The following NOP9 variants were observed in gnomAD, a reference collection of about 807,000 sequenced individuals.
NOP9 encodes the protein nucleolar protein 9.
NOP9 carries 50 observed loss-of-function variants against 63.0 expected under a neutral mutation model. The ratio of observed to expected loss-of-function variants is 0.79; its 90% CI spans 0.63 to 1.00. The LOEUF (loss-of-function observed/expected upper bound fraction) is 1.00, where lower values mean the gene tolerates loss of function less well. Ranked by LOEUF, NOP9 falls within the 50% of genes least tolerant of loss-of-function variation. The pLI, the probability that NOP9 is intolerant of heterozygous loss-of-function variation, is 0.00. For synonymous variants in NOP9, 343 were observed against 332.8 expected (o/e 1.03, Z -0.33); for missense variants, 758 against 803.0 (o/e 0.94, Z 0.68).
At chr14:24,292,447 GTC>G in the NOP9 span, 1 of 1,505,520 alleles carries the variant, frequency 6.6e-7, no homozygotes, top group Non-Finnish European at 9.0e-7. Context: ...GAGCCCCAAG[GTC>G]TCAGCTGCCC....
chr14:24,271,493 T>G, the NOP9 span: 2 of 181,786 alleles, frequency 1.1e-5, no homozygotes. Context: ...CCACCTGCGC[T>G]GGGAGGAGGC....
In NOP9 at chr14:24,307,219, A is replaced by G; in HGVS notation, c.*2124A>G. On this transcript the variant is annotated 3_prime_UTR_variant, in exon 10 of 10. Transcript: ENST00000267425. ...TCGGTGGAAAATGAACAAATTGACC[A>G]GAGCTCATTAGGCCCACTCCGCTGC... 1 of 757,584 alleles carries G rather than the reference A, an allele frequency of 1.3e-6. No individual in the cohort carries two copies. The highest frequency in any genetic ancestry group is 1.9e-5 in the South Asian group (1 of 51,378). 46.9% of individuals were successfully genotyped at this position (757,584 alleles called of 1,614,324 possible).
the NOP9 span, among the ~76,000 whole-genome samples, chr14:24,275,466 C>G: frequency 6.6e-6 from 1 of 152,306 alleles, no homozygotes; most frequent in East Asian, 1.9e-4. Flanking sequence ...GTGAGAGTGA[C>G]CATTGCCAGA....
At chr14:24,301,038 G>A (rs2041367483) in intron 2 of NOP9, among the ~76,000 whole-genome samples, 181 bp downstream of exon 2, 1 of 152,154 alleles carries the variant, frequency 6.6e-6, no homozygotes, top group Non-Finnish European at 1.5e-5. Context: ...AGGCCCAGAG[G>A]TAGGGATGTA....
the NOP9 span, chr14:24,271,217 C>G: frequency 7.2e-7 from 1 of 1,384,288 alleles, no homozygotes; most frequent in Non-Finnish European, 9.6e-7. Flanking sequence ...ACTAGCTCCG[C>G]CCACAGCTGT....
chr14:24,290,553 A>G, the NOP9 span: 1 of 312,694 alleles, frequency 3.2e-6, no homozygotes, highest in Non-Finnish European at 6.0e-6. Context: ...TTTCTCCCAA[A>G]TTGTTAACAT....
chr14:24,303,127 G>T lies in NOP9; in HGVS notation c.1197G>T (p.Gln399His). The T allele has an allele frequency of 6.2e-7, 1 of 1,610,918 alleles. No individual in the cohort carries two copies. Reference sequence around the variant, plus strand: ...CTGTCTTGGAAGCTGTATTGGCCCAGGGCCACCCAGGGGTAGTCATTGCCC... The same window carrying T: ...CTGTCTTGGAAGCTGTATTGGCCCATGGCCACCCAGGGGTAGTCATTGCCC... ...LSPVLEAVLA[Q>H]GHPGVVIALV... Residue 399 changes from glutamine to histidine, a missense_variant, in exon 6 of 10, where the codon CAG becomes CAT. Physicochemically the swap from Gln to His is conservative, Grantham distance 24. Transcript: ENST00000267425.
At chr14:24,292,315 C>G in the NOP9 span, 130 of 1,613,962 alleles carry the variant, frequency 8.1e-5, no homozygotes, top group Non-Finnish European at 1.0e-4. Flanking sequence ...GCACAGTCAG[C>G]AGCCAGCTTG....
rs759140183 is a variant in NOP9 at position 24,304,575 on chromosome 14, G to A, written c.1730G>A (p.Arg577Gln). Residue 577 changes from arginine (R) to glutamine (Q), a missense_variant, in exon 9 of 10, where the codon CGG becomes CAG. Physicochemically the swap from Arg to Gln is conservative, Grantham distance 43. Coordinates refer to ENST00000267425, the MANE Select transcript of NOP9 (RefSeq NM_174913.3). The part of the protein sequence containing the change: ...AIWSGAALRA[R>Q]KEIAAELGEQ... Reference sequence around the variant, plus strand: ...TGGAGTGGAGCAGCCTTGAGGGCCCGGAAGGAAATTGCTGCTGAGCTTGGT... The same window carrying A: ...TGGAGTGGAGCAGCCTTGAGGGCCCAGAAGGAAATTGCTGCTGAGCTTGGT... 15 of 1,611,988 alleles carry A rather than the reference G, an allele frequency of 9.3e-6. No homozygotes were observed. The highest frequency in any genetic ancestry group is 6.7e-5 in the East Asian group (3 of 44,898).
upstream of NOP9, among the ~76,000 whole-genome samples, chr14:24,296,125 C>G (rs1336953517): frequency 2.0e-5 from 3 of 152,228 alleles, no homozygotes; most frequent in African/African-American, 7.2e-5. Flanking sequence ...TTGGTGTTCG[C>G]TCCTTCTTCT....
chr14:24,305,042 C>T lies in NOP9; in HGVS notation c.1858C>T (p.Gln620Ter). The T allele has an allele frequency of 1.2e-6, 2 of 1,603,902 alleles. No homozygotes were observed. The highest frequency in any genetic ancestry group is 2.2e-5 in the South Asian group (2 of 89,654). The change falls in exon 10 of 10, where the codon CAG (glutamine) becomes TAG (stop). Residue 620 changes from glutamine to a stop codon, truncating the protein, a stop_gained. Coordinates refer to ENST00000267425, the MANE Select transcript of NOP9 (RefSeq NM_174913.3). LOFTEE classifies it high-confidence loss of function. ...GCGGCGAGAGGCTTGGGAACAGCAGCAGGGTGCGGTGGCCAAGCGGAGGCG... is the reference window on the plus strand; with the variant it reads ...GCGGCGAGAGGCTTGGGAACAGCAGTAGGGTGCGGTGGCCAAGCGGAGGCG... ...LKRREAWEQQ[Q>*]GAVAKRRRAL... is the part of the protein sequence containing the mutation.
chr14:24,276,095 G>A, the NOP9 span, among the ~76,000 whole-genome samples: 1 of 151,814 alleles, frequency 6.6e-6, no homozygotes, highest in Admixed American at 6.6e-5. Context: ...TTTGGCCACG[G>A]GCCAGCTGTA....
chr14:24,291,189 A>AC, the NOP9 span: 1 of 1,614,142 alleles, frequency 6.2e-7, no homozygotes, highest in Non-Finnish European at 8.5e-7. Context: ...GGATGGCAGC[A>AC]CCTTACCACT....
the NOP9 span, chr14:24,291,866 A>G: frequency 4.9e-6 from 3 of 607,952 alleles, no homozygotes; most frequent in South Asian, 5.9e-5. Flanking sequence ...AGGATCTGGT[A>G]GTGCCAAATA....
chr14:24,296,124 G>A (rs1433252161), upstream of NOP9, among the ~76,000 whole-genome samples: 1 of 152,158 alleles, frequency 6.6e-6, no homozygotes, highest in African/African-American at 2.4e-5. Flanking sequence ...ATTGGTGTTC[G>A]CTCCTTCTTC....
chr14:24,304,717 C>A, intron 9 of NOP9, 119 bp downstream of exon 9: 2 of 943,122 alleles, frequency 2.1e-6, no homozygotes, highest in Non-Finnish European at 3.1e-6. Context: ...GGTGGTCTTG[C>A]TCATGGGTTC....
the NOP9 span, among the ~76,000 whole-genome samples, chr14:24,282,913 A>C: frequency 1.3e-5 from 2 of 148,768 alleles, no homozygotes; most frequent in Admixed American, 6.6e-5. Flanking sequence ...ACTCTGGCTG[A>C]GGAAACTATT....
chr14:24,291,563 C>T, the NOP9 span: 1 of 1,614,226 alleles, frequency 6.2e-7, no homozygotes, highest in South Asian at 1.1e-5. Flanking sequence ...CACCTGTTGC[C>T]AAAGCCACCA....
At chr14:24,290,621 T>C in the NOP9 span, 1 of 477,044 alleles carries the variant, frequency 2.1e-6, no homozygotes, top group South Asian at 2.8e-5. Flanking sequence ...GAGACTTTTA[T>C]TAGCTCCAAG....
Sources: allele counts gnomAD v4.1 joint callset (sites outside exome capture counted in the v4.1 genomes callset), GRCh38; gene constraint gnomAD v4.1.1; transcripts MANE v1.5; gene names NCBI Gene and HGNC (gene_info 2026-07-23, HGNC 2026-07-21).